KCNAB1: variants seen among roughly 807,000 people sequenced by gnomAD.
The protein encoded by KCNAB1 is potassium voltage-gated channel subfamily A regulatory beta subunit 1, also known as voltage-gated potassium channel subunit beta-1.
A neutral mutation model predicts 64.6 loss-of-function variants in KCNAB1; 35 were observed. The ratio of observed to expected loss-of-function variants is 0.54; its 90% CI spans 0.41 to 0.72. The LOEUF (loss-of-function observed/expected upper bound fraction) is 0.72, where lower values mean the gene tolerates loss of function less well. Ranked by LOEUF, KCNAB1 falls within the 30% of genes least tolerant of loss-of-function variation. The pLI is 0.00. For missense variants in KCNAB1, 401 were observed against 512.9 expected, an observed-to-expected ratio of 0.78 and a Z score of 2.11; for synonymous variants, 177 against 183.8, an observed-to-expected ratio of 0.96 and a Z score of 0.30.
At chr3:156,529,087 G>C (rs1649045807) in intron 12 of KCNAB1, among the ~76,000 whole-genome samples, 1 of 152,120 alleles carries the variant, frequency 6.6e-6, no homozygotes, top group African/African-American at 2.4e-5. Context: ...AACCGGAGAA[G>C]ACAGCTGAAC....
At chr3:156,146,749 G>A (rs1273413774) in intron 1 of KCNAB1, among the ~76,000 whole-genome samples, 1 of 152,176 alleles carries the variant, frequency 6.6e-6, no homozygotes, top group Non-Finnish European at 1.5e-5. Flanking sequence ...TATGGACACG[G>A]AAATTTGAAT....
At chr3:156,153,784 C>A (rs768775032) in intron 1 of KCNAB1, among the ~76,000 whole-genome samples, 1 of 152,220 alleles carries the variant, frequency 6.6e-6, no homozygotes, top group Non-Finnish European at 1.5e-5. Flanking sequence ...TGGGTCCAAA[C>A]TTACACCATT....
intron 1 of KCNAB1, among the ~76,000 whole-genome samples, chr3:156,145,312 T>C (rs895821714): frequency 6.6e-5 from 10 of 152,230 alleles, no homozygotes; most frequent in Non-Finnish European, 1.3e-4. Flanking sequence ...CTGACACATC[T>C]TCCTGACACA....
intron 6 of KCNAB1, among the ~76,000 whole-genome samples, chr3:156,464,769 C>T (rs928710826): frequency 2.6e-5 from 4 of 152,074 alleles, no homozygotes; most frequent in African/African-American, 7.2e-5. Context: ...AATAAAGCAA[C>T]ATCATGCCTA....
At chr3:156,293,615 A>G (rs879446843) in intron 1 of KCNAB1, among the ~76,000 whole-genome samples, 4 of 152,222 alleles carry the variant, frequency 2.6e-5, no homozygotes, top group Non-Finnish European at 5.9e-5. Context: ...AACAACCATA[A>G]CTAAAGCTCT....
At chr3:156,530,876 G>A (rs1314958949) in intron 12 of KCNAB1, among the ~76,000 whole-genome samples, 1 of 152,136 alleles carries the variant, frequency 6.6e-6, no homozygotes, top group Non-Finnish European at 1.5e-5. Flanking sequence ...TGTGGGCCAA[G>A]GTAGAAACAG....
intron 1 of KCNAB1, among the ~76,000 whole-genome samples, chr3:156,298,155 G>A (rs1720921474): frequency 6.6e-6 from 1 of 152,218 alleles, no homozygotes; most frequent in Admixed American, 6.5e-5. Flanking sequence ...GCAGTCAGAA[G>A]TCTGGCATCC....
chr3:156,139,589 T>TTG (rs1714580272), intron 1 of KCNAB1, among the ~76,000 whole-genome samples: 1 of 139,502 alleles, frequency 7.2e-6, no homozygotes, highest in Non-Finnish European at 1.5e-5. Flanking sequence ...ACTGTGTTTT[T>TTG]TTTTTTTTTT....
At chr3:156,318,119 C>T (rs1722398913) in intron 1 of KCNAB1, among the ~76,000 whole-genome samples, 1 of 152,184 alleles carries the variant, frequency 6.6e-6, no homozygotes, top group South Asian at 2.1e-4. Context: ...CTCAAGTGTG[C>T]TGGGTGTCTT....
At chr3:156,120,400 C>A, upstream of KCNAB1, 1 of 613,206 alleles carries the variant, frequency 1.6e-6, no homozygotes, top group Non-Finnish European at 2.9e-6. Flanking sequence ...TCGAAGATAC[C>A]ACAGGTATTG....
At chr3:156,275,637 A>G (rs1027424355) in intron 1 of KCNAB1, among the ~76,000 whole-genome samples, 8 of 152,316 alleles carry the variant, frequency 5.3e-5, no homozygotes, top group Non-Finnish European at 1.0e-4. Flanking sequence ...TTGTCATTTC[A>G]AGAATATTCA....
At chr3:156,483,190 C>T (rs903372055) in intron 8 of KCNAB1, among the ~76,000 whole-genome samples, 1 of 152,018 alleles carries the variant, frequency 6.6e-6, no homozygotes, top group Non-Finnish European at 1.5e-5. Flanking sequence ...GCAAGGGGCT[C>T]AGCAAGGAAA....
chr3:156,250,141 G>A (rs1299107437), intron 1 of KCNAB1, among the ~76,000 whole-genome samples: 2 of 152,162 alleles, frequency 1.3e-5, no homozygotes, highest in Non-Finnish European at 2.9e-5. Context: ...GATCAAGCTT[G>A]GAGGGAGAAA....
chr3:156,226,948 A>C (rs937413447), intron 1 of KCNAB1, among the ~76,000 whole-genome samples: 1 of 152,246 alleles, frequency 6.6e-6, no homozygotes, highest in Non-Finnish European at 1.5e-5. Flanking sequence ...CACAGACATA[A>C]GGGATAAACA....
intron 1 of KCNAB1, among the ~76,000 whole-genome samples, chr3:156,371,316 C>G (rs977250834): frequency 3.3e-5 from 5 of 152,126 alleles, no homozygotes; most frequent in African/African-American, 1.2e-4. Flanking sequence ...ACCTCTTGAG[C>G]TTCAGTTTTC....
At chr3:156,411,427 T>A (rs1714659657) in intron 1 of KCNAB1, among the ~76,000 whole-genome samples, 2 of 152,182 alleles carry the variant, frequency 1.3e-5, no homozygotes, top group African/African-American at 4.8e-5. Flanking sequence ...CTAAAAACTT[T>A]GTCAAGCCCA....
chr3:156,119,200 G>A (rs1489944500), upstream of KCNAB1, among the ~76,000 whole-genome samples: 1 of 152,212 alleles, frequency 6.6e-6, no homozygotes, highest in African/African-American at 2.4e-5. Context: ...GTCTTTGAGA[G>A]TGACAGTGGA....
chr3:156,267,657 C>T (rs1718797707), intron 1 of KCNAB1, among the ~76,000 whole-genome samples: 1 of 152,190 alleles, frequency 6.6e-6, no homozygotes, highest in Admixed American at 6.5e-5. Flanking sequence ...TGAAGCCGCT[C>T]TATCTGCTGG....
At chr3:156,247,726 C>G (rs1189691602) in intron 1 of KCNAB1, among the ~76,000 whole-genome samples, 1 of 152,084 alleles carries the variant, frequency 6.6e-6, no homozygotes. Context: ...CCATGCCCCA[C>G]TAATTTTTTG....
Sources: gnomAD v4.1 joint callset for allele counts (sites outside exome capture counted in the v4.1 genomes callset) on GRCh38, gnomAD v4.1.1 for gene constraint, MANE v1.5 for transcripts, NCBI Gene and HGNC (gene_info 2026-07-23, HGNC 2026-07-21) for gene names.